The following COG6 variants were observed in gnomAD, a reference collection of about 807,000 sequenced individuals.
COG6 encodes component of oligomeric golgi complex 6.
COG6 carries 74 observed loss-of-function variants against 88.8 expected under a neutral mutation model. That is an observed-to-expected ratio of 0.83 (90% CI 0.69 to 1.01). The LOEUF (loss-of-function observed/expected upper bound fraction) is 1.01, where lower values mean the gene tolerates loss of function less well. COG6 is among the 50% of genes least tolerant of loss of function. The pLI, the probability that COG6 is intolerant of heterozygous loss-of-function variation, is 0.00. For synonymous variants in COG6, 286 were observed against 278.7 expected (o/e 1.03, Z -0.26); for missense variants, 800 against 797.9 (o/e 1.00, Z -0.03).
chr13:39,668,183 ATCC>A (rs1416400973), intron 4 of COG6, among the ~76,000 whole-genome samples: 1 of 152,088 alleles, frequency 6.6e-6, no homozygotes. Context: ...TTTGGCCTCC[ATCC>A]TCAGAGAATC....
chr13:39,728,471 CTTTT>C (rs35333578), intron 18 of COG6, among the ~76,000 whole-genome samples: 1 of 146,898 alleles, frequency 6.8e-6, no homozygotes. Flanking sequence ...CTATGGACCA[CTTTT>C]TTTTTTTTTC....
chr13:39,657,535 T>C (rs1874599943), intron 1 of COG6, among the ~76,000 whole-genome samples: 1 of 151,938 alleles, frequency 6.6e-6, no homozygotes, highest in Non-Finnish European at 1.5e-5. Context: ...CATGGGTTTT[T>C]TTTTTCTGTA....
At chr13:39,744,856 A>G (rs9532425) in intron 18 of COG6, among the ~76,000 whole-genome samples, 2,470 of 152,332 alleles carry the variant, frequency 0.016, 25 homozygotes, top group Non-Finnish European at 0.026. Flanking sequence ...AAACTATACT[A>G]CAAGGCTACA....
intron 18 of COG6, among the ~76,000 whole-genome samples, chr13:39,728,317 A>G (rs1053188188): frequency 6.6e-6 from 1 of 152,216 alleles, no homozygotes; most frequent in African/African-American, 2.4e-5. Context: ...AAAACATTTC[A>G]GATATCTAAA....
intron 18 of COG6, among the ~76,000 whole-genome samples, chr13:39,784,843 A>G (rs1259259465): frequency 6.6e-6 from 1 of 152,196 alleles, no homozygotes; most frequent in Non-Finnish European, 1.5e-5. Flanking sequence ...TGAGATGAGC[A>G]TGCATCCTGG....
intron 5 of COG6, among the ~76,000 whole-genome samples, chr13:39,678,573 T>C (rs1051168218): frequency 1.1e-4 from 16 of 152,224 alleles, no homozygotes; most frequent in Middle Eastern, 6.8e-3. Flanking sequence ...TTTCGTTTCT[T>C]TTTTTTTCCT....
chr13:39,743,802 A>T, intron 18 of COG6, among the ~76,000 whole-genome samples: 1 of 152,198 alleles, frequency 6.6e-6, no homozygotes, highest in East Asian at 1.9e-4. Flanking sequence ...CACAACAAAA[A>T]AAGAGAATTT....
At chr13:39,707,538 T>C (rs1878010346) in intron 13 of COG6, among the ~76,000 whole-genome samples, 1 of 152,218 alleles carries the variant, frequency 6.6e-6, no homozygotes, top group Non-Finnish European at 1.5e-5. Context: ...TATAAAACAT[T>C]TCTAGCCCTT....
intron 13 of COG6, among the ~76,000 whole-genome samples, chr13:39,702,828 T>G (rs1566186623): frequency 6.6e-6 from 1 of 152,108 alleles, no homozygotes; most frequent in African/African-American, 2.4e-5. Flanking sequence ...TGAATTCTAG[T>G]GAAGTCGTTG....
intron 18 of COG6, among the ~76,000 whole-genome samples, chr13:39,768,287 G>A (rs1364629399): frequency 1.3e-5 from 2 of 152,146 alleles, no homozygotes; most frequent in Non-Finnish European, 2.9e-5. Context: ...CTGGTCCCTG[G>A]GGACCAGCTG....
Position 39,751,607 on chromosome 13 carries a change from C to T in COG6, c.*514C>T, listed in dbSNP as rs1880637547. ...ATAGCTGCCCTTAAAGAGTTGTTAGCAGAGAGAAAAATAACAGTGAATGTG... is the reference window on the plus strand; with the variant it reads ...ATAGCTGCCCTTAAAGAGTTGTTAGTAGAGAGAAAAATAACAGTGAATGTG... On this transcript the variant is annotated 3_prime_UTR_variant, in exon 19 of 19. Coordinates refer to ENST00000455146, the MANE Select transcript of COG6 (RefSeq NM_020751.3). The T allele has an allele frequency of 7.8e-7, 1 of 1,286,966 alleles. No homozygotes were observed. Among genetic ancestry groups the T allele is most frequent in the African/African-American group, 1.5e-5 (1 of 65,752 alleles). The allele number at this position is 1,286,966 out of a possible 1,614,324, so 79.7% of individuals were successfully genotyped here.
intron 4 of COG6, among the ~76,000 whole-genome samples, chr13:39,666,675 A>G (rs181052440): frequency 4.3e-4 from 66 of 152,284 alleles, no homozygotes; most frequent in African/African-American, 1.5e-3. Context: ...AAGAGTGCAG[A>G]GGTGTAAAGT....
chr13:39,675,569 A>G (rs903661041), intron 4 of COG6, among the ~76,000 whole-genome samples: 3 of 152,128 alleles, frequency 2.0e-5, no homozygotes, highest in East Asian at 1.9e-4. Context: ...TTTTGTAGCT[A>G]TATATAGAGC....
intron 13 of COG6, among the ~76,000 whole-genome samples, chr13:39,712,924 A>G (rs947010651): frequency 6.6e-6 from 1 of 152,226 alleles, no homozygotes; most frequent in African/African-American, 2.4e-5. Flanking sequence ...AGAGTTTAAG[A>G]TCATGACAAA....
intron 8 of COG6, among the ~76,000 whole-genome samples, chr13:39,683,747 T>A (rs959750992): frequency 1.3e-5 from 2 of 148,558 alleles, no homozygotes. Context: ...TTTTATGTAT[T>A]AAAAAAAAAA....
intron 17 of COG6, among the ~76,000 whole-genome samples, chr13:39,725,054 C>G (rs1197972087): frequency 6.6e-6 from 1 of 151,746 alleles, no homozygotes; most frequent in African/African-American, 2.4e-5. Context: ...TTCCTTTTTG[C>G]ATGATCACTA....
At chr13:39,701,457 A>G (rs375009051) in intron 13 of COG6, among the ~76,000 whole-genome samples, 1 of 151,834 alleles carries the variant, frequency 6.6e-6, no homozygotes, top group African/African-American at 2.4e-5. Flanking sequence ...TTTTTTTATG[A>G]GTAGAGCTAC....
At chr13:39,704,373 C>T (rs1815298031) in intron 13 of COG6, among the ~76,000 whole-genome samples, 1 of 152,074 alleles carries the variant, frequency 6.6e-6, no homozygotes, top group Admixed American at 6.6e-5. Context: ...GCAGTCAACT[C>T]ATTTTTTGTT....
intron 1 of COG6, among the ~76,000 whole-genome samples, chr13:39,657,487 A>G (rs1874595627): frequency 6.6e-6 from 1 of 151,144 alleles, no homozygotes; most frequent in Non-Finnish European, 1.5e-5. Context: ...AGACCTTAGG[A>G]CATTTCAAGG....
Sources: allele counts gnomAD v4.1 joint callset (sites outside exome capture counted in the v4.1 genomes callset), GRCh38; gene constraint gnomAD v4.1.1; transcripts MANE v1.5; gene names NCBI Gene and HGNC (gene_info 2026-07-23, HGNC 2026-07-21).